The following COX14 variants were observed in gnomAD, a reference collection of about 807,000 sequenced individuals.
COX14 encodes the protein cytochrome c oxidase assembly factor COX14.
Under a neutral mutation model 5.8 loss-of-function variants are expected in COX14, and 3 were observed. The observed-to-expected ratio is 0.51, with a 90% CI of 0.23 to 1.33. The LOEUF is 1.33. Ranked by LOEUF, COX14 falls within the 40% of genes most tolerant of loss-of-function variation. The pLI is 0.18. For missense variants in COX14, 72 were observed against 72.1 expected (o/e 1.00, Z 0.01); for synonymous variants, 25 against 26.1 (o/e 0.96, Z 0.13).
At chr12:50,114,060 C>T (rs961281937) in intron 1 of COX14, among the ~76,000 whole-genome samples, 1 of 151,910 alleles carries the variant, frequency 6.6e-6, no homozygotes, top group Non-Finnish European at 1.5e-5. Context: ...ACCCAAACCT[C>T]CCTAGTAGCT....
In COX14 at chr12:50,119,491, A is replaced by G. The variant is rs140032973; in HGVS notation, c.-8-545A>G. 1.8e-3 allele frequency among the ~76,000 whole-genome samples: 277 copies of G among 152,350 alleles called. 1 individual carries two copies. The highest frequency in any genetic ancestry group is 2.9e-3 in the Non-Finnish European group (199 of 68,032). ...AGGATCACTTGAGCCCAGGAGTTCA[A>G]GAGCAGCCCTGGCAACATACATAGC... is the stretch of plus-strand genomic sequence containing the variant. On this transcript the variant is annotated intron_variant, in intron 1 of 1. Coordinates refer to ENST00000550487, the MANE Select transcript of COX14 (RefSeq NM_032901.4).
At chr12:50,112,449 C>T (rs1220340517) in intron 1 of COX14, 148 bp downstream of exon 1, 2 of 985,818 alleles carry the variant, frequency 2.0e-6, no homozygotes, top group Non-Finnish European at 2.4e-6. Flanking sequence ...CGTTGCGGAC[C>T]GCGAGCTGCA....
chr12:50,115,533 G>A (rs1296926472), intron 1 of COX14, among the ~76,000 whole-genome samples: 4 of 151,028 alleles, frequency 2.6e-5, no homozygotes, highest in African/African-American at 4.9e-5. Context: ...TCATTTTAAC[G>A]TGTTCAAGCC....
chr12:50,119,232 C>T lies in COX14; in HGVS notation c.-8-804C>T, dbSNP rs555505275. Among the ~76,000 whole-genome samples, 4 of 152,334 alleles carry T rather than the reference C, an allele frequency of 2.6e-5. No homozygotes were observed. The South Asian group carries it at 8.3e-4, about 32-fold the overall frequency. On this transcript the variant is annotated intron_variant, in intron 1 of 1. Coordinates refer to ENST00000550487, the MANE Select transcript of COX14 (RefSeq NM_032901.4). ...TAGTGTTGACTTGGAAACCTAACCA[C>T]CATGAATAAGATCGTTTTTATGGGG... is the stretch of plus-strand genomic sequence containing the variant.
At chr12:50,118,160 C>T (rs566295424) in intron 1 of COX14, among the ~76,000 whole-genome samples, 1 of 151,902 alleles carries the variant, frequency 6.6e-6, no homozygotes, top group Non-Finnish European at 1.5e-5. Context: ...AGTTCTCCTG[C>T]CTTAGCCTCT....
intron 1 of COX14, among the ~76,000 whole-genome samples, chr12:50,113,366 G>T (rs1388339395): frequency 1.3e-5 from 2 of 150,364 alleles, no homozygotes; most frequent in East Asian, 3.9e-4. Flanking sequence ...TCCCGTGGCG[G>T]GATCTCGGCT....
chr12:50,115,960 C>CT (rs1490415948), intron 1 of COX14, among the ~76,000 whole-genome samples: 1 of 152,190 alleles, frequency 6.6e-6, no homozygotes, highest in African/African-American at 2.4e-5. Flanking sequence ...AGTTTCCTAA[C>CT]TTGGAGGTAT....
intron 1 of COX14, 77 bp downstream of exon 1, chr12:50,112,378 C>A: frequency 8.1e-6 from 8 of 985,666 alleles, no homozygotes; most frequent in Non-Finnish European, 9.6e-6. Context: ...TCTCCGCTTG[C>A]CGCGTCCTCC....
At chr12:50,115,217 ATTT>A (rs879659328) in intron 1 of COX14, among the ~76,000 whole-genome samples, 1 of 132,162 alleles carries the variant, frequency 7.6e-6, no homozygotes, top group Admixed American at 7.6e-5. Flanking sequence ...GAGCATCTTA[ATTT>A]TTTTTTTTTT....
At position 50,120,124 on chromosome 12, in the gene COX14, GT is replaced by G. The variant is rs1289517318; in HGVS notation, c.82del (p.Tyr28ThrfsTer83). The G allele has an allele frequency of 8.1e-6, 13 of 1,613,838 alleles. No individual in the cohort carries two copies. Among genetic ancestry groups the G allele is most frequent in the Non-Finnish European group, 1.0e-5 (12 of 1,179,836 alleles). On this transcript the variant is annotated frameshift_variant, in exon 2 of 2. Transcript: ENST00000550487. LOFTEE classifies it high-confidence loss of function. ...SMMLLTVYGG[Y>X]LCSVRVYHYF... ...TGATGCTTCTCACTGTGTATGGGGG[GT>G]ACCTCTGCAGTGTCCGAGTCTACCA...
chr12:50,118,049 C>CTT (rs71676031), intron 1 of COX14, among the ~76,000 whole-genome samples: 1 of 143,994 alleles, frequency 6.9e-6, no homozygotes, highest in African/African-American at 2.6e-5. Flanking sequence ...GGCACCCCCC[C>CTT]TTTTTTTTTT....
At chr12:50,113,447 G>C (rs1283497604) in intron 1 of COX14, among the ~76,000 whole-genome samples, 1 of 150,558 alleles carries the variant, frequency 6.6e-6, no homozygotes, top group African/African-American at 2.5e-5. Context: ...GGGACTACAG[G>C]TGCCCGCCAC....
At chr12:50,118,343 G>A (rs1002322750) in intron 1 of COX14, 33 of 750,974 alleles carry the variant, frequency 4.4e-5, no homozygotes, top group Non-Finnish European at 4.4e-5. Flanking sequence ...CACTGCATCC[G>A]GTCCCACCTT....
At chr12:50,115,200 C>A (rs1471771412) in intron 1 of COX14, among the ~76,000 whole-genome samples, 1 of 151,368 alleles carries the variant, frequency 6.6e-6, no homozygotes, top group Non-Finnish European at 1.5e-5. Flanking sequence ...AGCCACCATG[C>A]CTGGCTGAGC....
chr12:50,120,092 A>C lies in COX14; in HGVS notation c.49A>C (p.Thr17Pro), dbSNP rs142523096. 3.1e-5 allele frequency: 50 copies of C among 1,613,800 alleles called. No individual in the cohort carries two copies. The highest frequency in any genetic ancestry group is 4.1e-5 in the Non-Finnish European group (48 of 1,179,896). Residue 17 changes from threonine (T) to proline (P), a missense_variant, in exon 2 of 2, where the codon ACC (threonine) becomes CCC (proline). Physicochemically the swap from Thr to Pro is conservative, Grantham distance 38 (BLOSUM62 -1). Coordinates refer to ENST00000550487, the MANE Select transcript of COX14 (RefSeq NM_032901.4). ...TGACATTGGCTATAAGACCTTCTCT[A>C]CCTCCATGATGCTTCTCACTGTGTA... Reference protein sequence around the residue: ...LADIGYKTFSTSMMLLTVYGG... With the variant: ...LADIGYKTFSPSMMLLTVYGG...
At chr12:50,112,760 C>T (rs1271951022) in intron 1 of COX14, 1 of 152,194 alleles carries the variant, frequency 6.6e-6, no homozygotes, top group African/African-American at 2.4e-5. Context: ...CGATTCCCAC[C>T]CCTACACCTT....
Position 50,120,125 on chromosome 12 carries a change from T to C in COX14, c.82T>C (p.Tyr28His). 1 of 1,614,018 alleles carries C rather than the reference T, an allele frequency of 6.2e-7. No homozygotes were observed. Among genetic ancestry groups the C allele is most frequent in the Non-Finnish European group, 8.5e-7 (1 of 1,179,866 alleles). Residue 28 changes from tyrosine (Y) to histidine (H), a missense_variant, in exon 2 of 2, where the codon TAC becomes CAC. Physicochemically the swap from Tyr to His is moderately conservative, Grantham distance 83 (BLOSUM62 2). Transcript: ENST00000550487. ...SMMLLTVYGG[Y>H]LCSVRVYHYF... ...GATGCTTCTCACTGTGTATGGGGGGTACCTCTGCAGTGTCCGAGTCTACCA... is the reference window on the plus strand; with the variant it reads ...GATGCTTCTCACTGTGTATGGGGGGCACCTCTGCAGTGTCCGAGTCTACCA...
chr12:50,120,234 C>T lies in COX14; in HGVS notation c.*17C>T. The T allele has an allele frequency of 6.2e-7, 1 of 1,609,906 alleles. No individual in the cohort carries two copies. The highest frequency in any genetic ancestry group is 8.5e-7 in the Non-Finnish European group (1 of 1,178,102). ...ATCATGTAGAACTGGGGGGCTTTTT[C>T]TCCTGAGCAGAGAGGCCCAAGGCAT... is the stretch of plus-strand genomic sequence containing the variant. On this transcript the variant is annotated 3_prime_UTR_variant, in exon 2 of 2. Coordinates refer to ENST00000550487, the MANE Select transcript of COX14 (RefSeq NM_032901.4).
intron 1 of COX14, among the ~76,000 whole-genome samples, chr12:50,116,564 T>C (rs997581414): frequency 2.0e-5 from 3 of 152,188 alleles, no homozygotes; most frequent in African/African-American, 7.2e-5. Context: ...TTCCAGCTCT[T>C]TTCCTCCAGC....
Sources: allele counts gnomAD v4.1 joint callset (sites outside exome capture counted in the v4.1 genomes callset), GRCh38; gene constraint gnomAD v4.1.1; transcripts MANE v1.5; gene names NCBI Gene and HGNC (gene_info 2026-07-23, HGNC 2026-07-21).